Variants in FSAF1 observed in about 807,000 individuals in gnomAD.
The protein encoded by FSAF1 is 40S small subunit processome assembly factor 1.
chr1:231,225,658 A>G, the FSAF1 span: 2 of 801,626 alleles, frequency 2.5e-6, no homozygotes, highest in Admixed American at 4.3e-5. Context: ...ATTAAACATA[A>G]CAGTCTCAAA....
chr1:231,239,192 T>C, the FSAF1 span: 1 of 1,544,068 alleles, frequency 6.5e-7, no homozygotes, highest in African/African-American at 1.4e-5. Flanking sequence ...GTACCTCCTG[T>C]TTGTTCAAAC....
At chr1:231,230,984 G>A in the FSAF1 span, among the ~76,000 whole-genome samples, 2 of 152,348 alleles carry the variant, frequency 1.3e-5, no homozygotes, top group Admixed American at 6.5e-5. Flanking sequence ...CTGGCTCTCC[G>A]TGGGCTTGGG....
At chr1:231,227,968 G>A in the FSAF1 span, among the ~76,000 whole-genome samples, 1 of 152,244 alleles carries the variant, frequency 6.6e-6, no homozygotes, top group Non-Finnish European at 1.5e-5. Flanking sequence ...ATTCAATGCA[G>A]AGCTCTGTAG....
chr1:231,240,758 A>T, the FSAF1 span, among the ~76,000 whole-genome samples: 4 of 152,120 alleles, frequency 2.6e-5, no homozygotes, highest in Non-Finnish European at 5.9e-5. This position sits in a 1 kb window ranked among gnomAD's most constrained non-coding sequence, Gnocchi z 4.1. Flanking sequence ...TAAATCGGAA[A>T]GCCTTGGTGC....
At chr1:231,225,594 T>A in the FSAF1 span, 1 of 1,388,906 alleles carries the variant, frequency 7.2e-7, no homozygotes. Flanking sequence ...GGCAAGAGGT[T>A]TGTGACCAAA....
chr1:231,224,030 G>A, the FSAF1 span: 1 of 370,532 alleles, frequency 2.7e-6, no homozygotes, highest in Non-Finnish European at 4.8e-6. Context: ...GAAGTTTGCT[G>A]GAGAACATTA....
At chr1:231,233,089 G>A in the FSAF1 span, among the ~76,000 whole-genome samples, 1 of 152,318 alleles carries the variant, frequency 6.6e-6, no homozygotes, top group South Asian at 2.1e-4. Flanking sequence ...GGATTTCCGG[G>A]TGGAGTACCA....
chr1:231,239,827 T>A, the FSAF1 span, among the ~76,000 whole-genome samples: 1 of 152,236 alleles, frequency 6.6e-6, no homozygotes, highest in African/African-American at 2.4e-5. Context: ...AATAAACATT[T>A]AAGAGCCAAC....
chr1:231,231,386 G>A, the FSAF1 span, among the ~76,000 whole-genome samples: 4 of 152,152 alleles, frequency 2.6e-5, no homozygotes, highest in Non-Finnish European at 4.4e-5. Flanking sequence ...ACCGTTCCCA[G>A]ATCTCCAAGA....
chr1:231,238,920 T>C, the FSAF1 span: 1 of 1,614,218 alleles, frequency 6.2e-7, no homozygotes, highest in African/African-American at 1.3e-5. Flanking sequence ...ATTCTACCAC[T>C]TCTACTTGTT....
At chr1:231,234,936 TGA>T in the FSAF1 span, among the ~76,000 whole-genome samples, 1 of 152,212 alleles carries the variant, frequency 6.6e-6, no homozygotes, top group East Asian at 1.9e-4. This position sits in a 1 kb window ranked among gnomAD's most constrained non-coding sequence, Gnocchi z 4.0. Context: ...TGTTACCTCC[TGA>T]GAGACCTCCC....
the FSAF1 span, chr1:231,238,737 T>C: frequency 9.8e-5 from 96 of 979,944 alleles, 1 homozygote; most frequent in East Asian, 2.4e-3. Flanking sequence ...GTGAGTCCTT[T>C]TGGCAAATCT....
At chr1:231,224,627 T>A in the FSAF1 span, 1 of 511,974 alleles carries the variant, frequency 2.0e-6, no homozygotes, top group Non-Finnish European at 3.4e-6. Context: ...CAAGGAATGT[T>A]CTGCTACCAG....
chr1:231,226,617 A>G, the FSAF1 span: 1 of 875,984 alleles, frequency 1.1e-6, no homozygotes, highest in Non-Finnish European at 1.9e-6. Flanking sequence ...AATGGGGAGC[A>G]TGGGATCCTT....
the FSAF1 span, chr1:231,229,037 AG>A: frequency 1.5e-6 from 1 of 645,540 alleles, no homozygotes; most frequent in Admixed American, 3.2e-5. Context: ...TATACTACAT[AG>A]TTTGCATGTT....
chr1:231,226,800 T>C, the FSAF1 span: 3 of 1,609,500 alleles, frequency 1.9e-6, no homozygotes, highest in Non-Finnish European at 2.6e-6. Context: ...TAAAACCTTG[T>C]AATTCACATA....
At chr1:231,237,973 G>C in the FSAF1 span, 1 of 152,234 alleles carries the variant, frequency 6.6e-6, no homozygotes, top group Admixed American at 6.5e-5. Context: ...ACGAGGTCGG[G>C]AGATCAAGAC....
chr1:231,236,966 G>A, the FSAF1 span: 1 of 152,092 alleles, frequency 6.6e-6, no homozygotes, highest in South Asian at 2.1e-4. Flanking sequence ...CTAAAATAAA[G>A]GTAGACATGG....
the FSAF1 span, among the ~76,000 whole-genome samples, chr1:231,230,900 C>T: frequency 6.6e-6 from 1 of 152,184 alleles, no homozygotes; most frequent in Non-Finnish European, 1.5e-5. Context: ...TTACCCAACG[C>T]TCTTATTCCT....
Sources: allele counts gnomAD v4.1 joint callset (sites outside exome capture counted in the v4.1 genomes callset), GRCh38; gene constraint gnomAD v4.1.1; non-coding constraint Gnocchi (gnomAD v3.1); transcripts MANE v1.5; gene names NCBI Gene and HGNC (gene_info 2026-07-23, HGNC 2026-07-21).